The following ATP11A variants were observed in gnomAD, a reference collection of about 807,000 sequenced individuals.
ATP11A encodes the protein phospholipid-transporting ATPase IH.
ATP11A carries 81 observed loss-of-function variants against 154.4 expected under a neutral mutation model. The ratio of observed to expected loss-of-function variants is 0.52; its 90% CI spans 0.44 to 0.63. ATP11A has a LOEUF of 0.63. Among genes scored for constraint, ATP11A ranks in the 30% least tolerant of loss-of-function variants. The pLI is 0.00. For synonymous variants in ATP11A, 623 were observed against 585.9 expected (o/e 1.06, Z -0.91); for missense variants, 1,316 against 1,474.3 (o/e 0.89, Z 1.76).
intron 1 of ATP11A, among the ~76,000 whole-genome samples, chr13:112,739,493 A>T (rs546260794): frequency 7.9e-5 from 12 of 152,376 alleles, no homozygotes; most frequent in South Asian, 2.1e-4. Context: ...GATGTAGAGG[A>T]GTTGGAAGTC....
chr13:112,746,061 C>G lies in ATP11A; in HGVS notation c.40-39074C>G, dbSNP rs1351247836. On this transcript the variant is annotated intron_variant, in intron 1 of 29. Transcript: ENST00000375645. This position sits in a 1 kb window ranked among gnomAD's most constrained non-coding sequence, Gnocchi z 4.1. ...AATCACGTTCTGTTGTGTGTATACA[C>G]CACGTTTTTCTTGTCCGTTCACCTG... is the stretch of plus-strand genomic sequence containing the variant. The G allele has an allele frequency of 6.7e-6, 1 of 148,260 alleles. No individual in the cohort carries two copies. The highest frequency in any genetic ancestry group is 1.5e-5 in the Non-Finnish European group (1 of 67,760). 9.2% of individuals were successfully genotyped at this position (148,260 alleles called of 1,614,324 possible).
intron 12 of ATP11A, among the ~76,000 whole-genome samples, chr13:112,830,981 G>A (rs1476287390): frequency 6.6e-6 from 1 of 151,976 alleles, no homozygotes; most frequent in Admixed American, 6.6e-5. Flanking sequence ...GTTTTTTATT[G>A]TTGTTGTTAA....
intron 1 of ATP11A, among the ~76,000 whole-genome samples, chr13:112,692,212 G>C (rs890024820): frequency 6.6e-6 from 1 of 152,224 alleles, no homozygotes; most frequent in African/African-American, 2.4e-5. Flanking sequence ...GAGCGAAATG[G>C]AAGAGGGAAG....
chr13:112,727,151 G>A (rs1348280038), intron 1 of ATP11A, among the ~76,000 whole-genome samples: 5 of 152,136 alleles, frequency 3.3e-5, no homozygotes, highest in Non-Finnish European at 5.9e-5. Flanking sequence ...AGGGTCAAGC[G>A]ATTCTTCTGC....
rs80050031 is a variant in ATP11A, at chr13:112,752,691, A to G, written c.40-32444A>G. On this transcript the variant is annotated intron_variant, in intron 1 of 29. Coordinates refer to ENST00000375645, the MANE Select transcript of ATP11A (RefSeq NM_015205.3). ...AGTGGAATGAACCACACATTTCTAC[A>G]ACACAGAATACCGTAATGTAGTTTA... Among the ~76,000 whole-genome samples the G allele has an allele frequency of 9.6e-3, 1,458 of 152,360 alleles. 28 individuals carry two copies. The highest frequency in any genetic ancestry group is 0.033 in the African/African-American group (1,377 of 41,564).
In ATP11A at chr13:112,805,012, C is replaced by T. The variant is rs755656025; in HGVS notation, c.218C>T (p.Ala73Val). 2 of 1,612,120 alleles carry T rather than the reference C, an allele frequency of 1.2e-6. No individual in the cohort carries two copies. Among genetic ancestry groups the T allele is most frequent in the Non-Finnish European group, 1.7e-6 (2 of 1,179,190 alleles). ...TTATTTGAACAATTCAGAAGAGTAG[C>T]CAACTTTTATTTCCTTATCATATTT... ...KNLFEQFRRV[A>V]NFYFLIIFLV... is the part of the protein sequence containing the mutation. Residue 73 changes from alanine to valine, a missense_variant, in exon 3 of 30, where the codon GCC becomes GTC. This residue lies in a region of ATP11A where 123 missense variants were observed against 113.7 expected (regional missense o/e 1.08). Transcript: ENST00000375645.
chr13:112,772,686 A>C (rs1383001411), intron 1 of ATP11A, among the ~76,000 whole-genome samples: 1 of 151,938 alleles, frequency 6.6e-6, no homozygotes, highest in Non-Finnish European at 1.5e-5. Flanking sequence ...CTGCTAATGC[A>C]CCTTCTGTTG....
At position 112,854,006 on chromosome 13, in the gene ATP11A, C is replaced by T. The variant is rs552696290; in HGVS notation, c.1992-273C>T. Among the ~76,000 whole-genome samples, 9 of 152,284 alleles carry T rather than the reference C, an allele frequency of 5.9e-5. No homozygotes were observed. In the East Asian group the frequency reaches 1.2e-3, roughly 20 times the overall value. ...ACACAAAACCGCCAGGCTTGTCAGA[C>T]GTCAGTGACACAAGACAGCCCTTTA... On this transcript the variant is annotated intron_variant, in intron 18 of 29. Coordinates refer to ENST00000375645, the MANE Select transcript of ATP11A (RefSeq NM_015205.3).
chr13:112,864,489 C>T (rs1394516951), intron 25 of ATP11A, among the ~76,000 whole-genome samples: 2 of 80,472 alleles, frequency 2.5e-5, no homozygotes, highest in Non-Finnish European at 5.0e-5. Context: ...TCACCACATG[C>T]ACAGTAATTC....
At position 112,754,098 on chromosome 13, in the gene ATP11A, C is replaced by G. The variant is rs2076760053; in HGVS notation, c.40-31037C>G. 6.6e-6 allele frequency among the ~76,000 whole-genome samples: 1 copy of G among 152,190 alleles called. No homozygotes were observed. The highest frequency in any genetic ancestry group is 2.4e-5 in the African/African-American group (1 of 41,440). On this transcript the variant is annotated intron_variant, in intron 1 of 29. Transcript: ENST00000375645. This position sits in a 1 kb window ranked among gnomAD's most constrained non-coding sequence, Gnocchi z 5.3. ...GATTGAGGAGGGGTTCGGCTTCACTCTCTTCAGCGCCTGGGGCCTTCATCC... is the reference window on the plus strand; with the variant it reads ...GATTGAGGAGGGGTTCGGCTTCACTGTCTTCAGCGCCTGGGGCCTTCATCC...
intron 23 of ATP11A, among the ~76,000 whole-genome samples, chr13:112,860,018 A>G (rs957631719): frequency 6.6e-6 from 1 of 151,728 alleles, no homozygotes; most frequent in Non-Finnish European, 1.5e-5. Context: ...TCAGAATTGC[A>G]AATGTTTTCT....
chr13:112,758,760 C>G (rs557222581), intron 1 of ATP11A, among the ~76,000 whole-genome samples: 1 of 152,250 alleles, frequency 6.6e-6, no homozygotes, highest in Non-Finnish European at 1.5e-5. Context: ...TCCTCTCGCA[C>G]TTGAAATCAA....
At position 112,815,695 on chromosome 13, in the gene ATP11A, G is replaced by A. The variant is rs1376666173; in HGVS notation, c.442-388G>A. Among the ~76,000 whole-genome samples, 5 of 152,126 alleles carry A rather than the reference G, an allele frequency of 3.3e-5. No homozygotes were observed. The East Asian group carries it at 5.8e-4, about 18-fold the overall frequency. ...CTCATGCTTTGATGATCTGGGCAGC[G>A]CCTTGGTTCTGTTGATCAGGAAGCT... On this transcript the variant is annotated intron_variant, in intron 5 of 29. Transcript: ENST00000375645.
chr13:112,781,063 C>T (rs780904421), intron 1 of ATP11A, among the ~76,000 whole-genome samples: 3 of 152,110 alleles, frequency 2.0e-5, no homozygotes, highest in Non-Finnish European at 2.9e-5. Context: ...TTGTTTGAGA[C>T]GGAGCCTCGG....
At position 112,690,927 on chromosome 13, in the gene ATP11A, G is replaced by A. The variant is rs950277397; in HGVS notation, c.39+472G>A. Among the ~76,000 whole-genome samples the A allele has an allele frequency of 6.6e-6, 1 of 152,252 alleles. No homozygotes were observed. Among genetic ancestry groups the A allele is most frequent in the African/African-American group, 2.4e-5 (1 of 41,474 alleles). On this transcript the variant is annotated intron_variant, in intron 1 of 29. Transcript: ENST00000375645. The surrounding 1 kb of genome is among the most constrained non-coding windows in gnomAD (Gnocchi z 5.6). ...AAGCGTTACACTTCTGCAGAAAAAG[G>A]TAGCAATTGTGTTTGTTCTTTAACA...
At chr13:112,822,551 C>T (rs1280470159) in intron 8 of ATP11A, among the ~76,000 whole-genome samples, 1 of 152,026 alleles carries the variant, frequency 6.6e-6, no homozygotes, top group Non-Finnish European at 1.5e-5. Flanking sequence ...AGGAATAAGA[C>T]TGTGTTTCAT....
At chr13:112,710,258 C>CT (rs1887592132) in intron 1 of ATP11A, among the ~76,000 whole-genome samples, 1 of 152,196 alleles carries the variant, frequency 6.6e-6, no homozygotes, top group Non-Finnish European at 1.5e-5. Flanking sequence ...AAGGCTCTTT[C>CT]TCACAAAGAA....
chr13:112,828,395 A>C (rs2078999710), intron 12 of ATP11A, among the ~76,000 whole-genome samples: 1 of 117,710 alleles, frequency 8.5e-6, no homozygotes, highest in South Asian at 3.1e-4. Flanking sequence ...AGTGGTGTTG[A>C]GTAGGGGGGA....
Position 112,842,342 on chromosome 13 carries a change from T to A in ATP11A, c.1772T>A (p.Val591Asp), listed in dbSNP as rs767652356. ...TTCCCCCGAGTGATAGAAGGCAAAG[T>A]TGACCAGATCCGAGCCAGAGTGGAG... ...SIFPRVIEGK[V>D]DQIRARVERN... The change falls in exon 17 of 30, where the codon GTT becomes GAT. Residue 591 changes from valine to aspartate, a missense_variant. Physicochemically the swap from Val to Asp is radical, Grantham distance 152 (BLOSUM62 -3). Coordinates refer to ENST00000375645, the MANE Select transcript of ATP11A (RefSeq NM_015205.3). The A allele has an allele frequency of 2.5e-6, 4 of 1,611,282 alleles. No homozygotes were observed. The highest frequency in any genetic ancestry group is 1.7e-5 in the Admixed American group (1 of 59,686).
Sources: allele counts gnomAD v4.1 joint callset (sites outside exome capture counted in the v4.1 genomes callset), GRCh38; gene constraint gnomAD v4.1.1; regional missense constraint gnomAD v4.1.1; non-coding constraint Gnocchi (gnomAD v3.1); transcripts MANE v1.5; gene names NCBI Gene and HGNC (gene_info 2026-07-23, HGNC 2026-07-21).